Variants in PDE4B observed in about 807,000 individuals in gnomAD.
The protein encoded by PDE4B is 3',5'-cyclic-AMP phosphodiesterase 4B.
A neutral mutation model predicts 82.2 loss-of-function variants in PDE4B; 20 were observed. That is an observed-to-expected ratio of 0.24 (90% CI 0.17 to 0.35). PDE4B has a LOEUF of 0.35. PDE4B is among the 10% of genes least tolerant of loss of function. PDE4B has a pLI of 1.00. For missense variants in PDE4B, 655 were observed against 907.2 expected (o/e 0.72, Z 3.57); for synonymous variants, 320 against 318.9 (o/e 1.00, Z -0.04).
chr1:65,950,094 T>C (rs1024456988), intron 3 of PDE4B, among the ~76,000 whole-genome samples: 3 of 152,234 alleles, frequency 2.0e-5, no homozygotes, highest in Admixed American at 6.5e-5. Flanking sequence ...ACTCTCACTT[T>C]GCTAATTTAC....
chr1:65,908,901 T>C (rs1251105965), intron 1 of PDE4B, among the ~76,000 whole-genome samples: 2 of 152,140 alleles, frequency 1.3e-5, no homozygotes, highest in Non-Finnish European at 2.9e-5. Context: ...CTTTTCCCTC[T>C]TGTCATTAGT....
intron 9 of PDE4B, among the ~76,000 whole-genome samples, chr1:66,357,690 C>T (rs1209248602): frequency 2.0e-5 from 3 of 151,696 alleles, no homozygotes; most frequent in East Asian, 3.9e-4. Flanking sequence ...TGTGGTAAAC[C>T]CCATCAAACA....
intron 3 of PDE4B, among the ~76,000 whole-genome samples, chr1:66,201,704 T>TG (rs1648973862): frequency 2.3e-5 from 1 of 44,270 alleles, no homozygotes; most frequent in African/African-American, 1.1e-4. Flanking sequence ...CCCTTTGTCA[T>TG]TTTTTATTGC....
intron 3 of PDE4B, among the ~76,000 whole-genome samples, chr1:66,216,866 T>C (rs1461076919): frequency 6.6e-6 from 1 of 152,154 alleles, no homozygotes; most frequent in Non-Finnish European, 1.5e-5. Flanking sequence ...GACTTGACTG[T>C]GACTCTCTGG....
At chr1:66,308,691 G>C (rs774395719) in intron 7 of PDE4B, among the ~76,000 whole-genome samples, 6 of 152,104 alleles carry the variant, frequency 3.9e-5, no homozygotes, top group Non-Finnish European at 7.4e-5. Flanking sequence ...AGTTGTTCCA[G>C]TAGATTTAAC....
intron 3 of PDE4B, among the ~76,000 whole-genome samples, chr1:66,071,911 CTT>C (rs1656173289): frequency 6.6e-6 from 1 of 152,052 alleles, no homozygotes; most frequent in African/African-American, 2.4e-5. Context: ...TTGTACAACT[CTT>C]TAATTTTAAA....
At chr1:66,106,762 T>C (rs912708149) in intron 3 of PDE4B, among the ~76,000 whole-genome samples, 9 of 150,164 alleles carry the variant, frequency 6.0e-5, no homozygotes, top group African/African-American at 2.2e-4. Flanking sequence ...GTAGTTTGTA[T>C]TTCTGTGGGA....
intron 3 of PDE4B, among the ~76,000 whole-genome samples, chr1:66,023,508 G>A (rs891044599): frequency 6.6e-6 from 1 of 152,138 alleles, no homozygotes; most frequent in Non-Finnish European, 1.5e-5. Context: ...TTCAGAGAAG[G>A]AAGTTGTTTC....
chr1:66,022,537 A>G (rs1653190604), intron 3 of PDE4B, among the ~76,000 whole-genome samples: 1 of 152,142 alleles, frequency 6.6e-6, no homozygotes, highest in African/African-American at 2.4e-5. Context: ...ATTTTGTTGA[A>G]GGCCCTTTCT....
intron 1 of PDE4B, among the ~76,000 whole-genome samples, chr1:65,884,110 A>G (rs996806031): frequency 6.6e-6 from 1 of 152,074 alleles, no homozygotes; most frequent in Non-Finnish European, 1.5e-5. Flanking sequence ...ATATTGGTCT[A>G]AAATTCTCTT....
intron 2 of PDE4B, among the ~76,000 whole-genome samples, chr1:65,916,405 CT>C (rs765193943): frequency 6.6e-6 from 1 of 151,810 alleles, no homozygotes; most frequent in Non-Finnish European, 1.5e-5. Flanking sequence ...GGTAATAGTT[CT>C]TTTTTCTAAA....
chr1:66,173,575 C>T (rs1225442099), intron 3 of PDE4B, among the ~76,000 whole-genome samples: 1 of 152,152 alleles, frequency 6.6e-6, no homozygotes, highest in Non-Finnish European at 1.5e-5. Flanking sequence ...TTGCAGTGAT[C>T]AAAATGGAAC....
chr1:66,054,099 G>GT (rs1414189050), intron 3 of PDE4B, among the ~76,000 whole-genome samples: 2 of 152,172 alleles, frequency 1.3e-5, no homozygotes, highest in Middle Eastern at 3.4e-3. Flanking sequence ...TGGATCCAGG[G>GT]TTTGAACCCT....
At chr1:65,956,155 A>G (rs568193351) in intron 3 of PDE4B, among the ~76,000 whole-genome samples, 2 of 152,232 alleles carry the variant, frequency 1.3e-5, no homozygotes, top group South Asian at 2.1e-4. Flanking sequence ...GCAGTAACCT[A>G]TAAATGGTAT....
rs532442842 is a variant in PDE4B at position 66,204,535 on chromosome 1, G to T, written c.282-42925G>T. Reference sequence around the variant, plus strand: ...CTGGCTGCTTTGTTTACCTAAGCAAGCCTGGGCAATGGCAGGTGCCCCTCC... The same window carrying T: ...CTGGCTGCTTTGTTTACCTAAGCAATCCTGGGCAATGGCAGGTGCCCCTCC... On this transcript the variant is annotated intron_variant, in intron 3 of 16. Coordinates refer to ENST00000341517, the MANE Select transcript of PDE4B (RefSeq NM_002600.4). Among the ~76,000 whole-genome samples the T allele has an allele frequency of 3.7e-3, 562 of 152,354 alleles. 1 individual carries two copies. The highest frequency in any genetic ancestry group is 0.013 in the African/African-American group (533 of 41,580).
At chr1:66,225,544 A>G (rs1651382853) in intron 3 of PDE4B, among the ~76,000 whole-genome samples, 1 of 152,234 alleles carries the variant, frequency 6.6e-6, no homozygotes, top group African/African-American at 2.4e-5. Flanking sequence ...AGGCACAGGT[A>G]TACCAGCTCC....
At chr1:66,214,312 A>G (rs1422869032) in intron 3 of PDE4B, among the ~76,000 whole-genome samples, 1 of 152,170 alleles carries the variant, frequency 6.6e-6, no homozygotes, top group Admixed American at 6.6e-5. Context: ...CAGATCTTTT[A>G]TTCATTCATT....
At chr1:66,062,367 A>G (rs897314224) in intron 3 of PDE4B, among the ~76,000 whole-genome samples, 3 of 152,082 alleles carry the variant, frequency 2.0e-5, no homozygotes, top group Admixed American at 2.0e-4. Context: ...ATAGGAGATT[A>G]CTTTGAAAGA....
At chr1:66,058,143 A>G (rs2202061) in intron 3 of PDE4B, among the ~76,000 whole-genome samples, 79,656 of 152,156 alleles carry the variant, frequency 0.52, 20,998 homozygotes, top group East Asian at 0.59. Context: ...TGTAAGTCTG[A>G]AATCCAGCAG....
Sources: gnomAD v4.1 joint callset for allele counts (sites outside exome capture counted in the v4.1 genomes callset) on GRCh38, gnomAD v4.1.1 for gene constraint, MANE v1.5 for transcripts, NCBI Gene and HGNC (gene_info 2026-07-23, HGNC 2026-07-21) for gene names.